Variants in ZNF558 observed in about 807,000 individuals in gnomAD.
ZNF558 encodes the protein zinc finger protein 558.
A neutral mutation model predicts 37.6 loss-of-function variants in ZNF558; 23 were observed. The ratio of observed to expected loss-of-function variants is 0.61; its 90% confidence interval spans 0.44 to 0.87. ZNF558 has a LOEUF of 0.87. Ranked by LOEUF, ZNF558 falls within the 40% of genes least tolerant of loss-of-function variation. The pLI is 0.00. For synonymous variants in ZNF558, 189 were observed against 174.4 expected (o/e 1.08, Z -0.66); for missense variants, 429 against 483.7 (o/e 0.89, Z 1.06).
chr19:8,831,413 A>G lies in ZNF558; in HGVS notation c.-592-12T>C, dbSNP rs1475563442. ...GATGCTTTTCTCATCTGAAAAAAAAAAAAAGACACAAAGATTTCTTTCGAG... is the reference window on the plus strand; with the variant it reads ...GATGCTTTTCTCATCTGAAAAAAAAGAAAAGACACAAAGATTTCTTTCGAG... On this transcript the variant is annotated splice_polypyrimidine_tract_variant and intron_variant, in intron 1 of 9. Coordinates refer to ENST00000601372, the MANE Select transcript of ZNF558 (RefSeq NM_144693.3). 6.6e-6 allele frequency: 1 copy of G among 152,136 alleles called. No homozygotes were observed. Among genetic ancestry groups the G allele is most frequent in the African/African-American group, 2.4e-5 (1 of 41,450 alleles). 9.4% of individuals were successfully genotyped at this position (152,136 alleles called of 1,614,324 possible). A position where few individuals can be genotyped will look rare whatever the true frequency, so the allele number is the denominator to read the frequency against.
chr19:8,824,558 A>G (rs902725045), intron 3 of ZNF558, 141 bp from the exon 4 acceptor site: 2 of 152,252 alleles, frequency 1.3e-5, no homozygotes, highest in African/African-American at 4.8e-5. Context: ...CAGGGTAAAG[A>G]TCATGAGGAG....
chr19:8,836,207 A>T (rs1240727152), upstream of ZNF558, among the ~76,000 whole-genome samples: 1 of 152,252 alleles, frequency 6.6e-6, no homozygotes, highest in Non-Finnish European at 1.5e-5. Context: ...ATACACATAA[A>T]TTCTTCAGTT....
upstream of ZNF558, among the ~76,000 whole-genome samples, chr19:8,834,004 CAAA>C (rs1369326589): frequency 1.5e-5 from 2 of 137,914 alleles, no homozygotes; most frequent in African/African-American, 5.0e-5. Context: ...CAAAACAAAA[CAAA>C]AACCAAAAAC....
intron 7 of ZNF558, among the ~76,000 whole-genome samples, chr19:8,817,605 C>A (rs576483680): frequency 6.6e-6 from 1 of 151,492 alleles, no homozygotes; most frequent in African/African-American, 2.4e-5. Context: ...TTTATTGGGA[C>A]ATAGCCCCAT....
At chr19:8,832,566 A>C (rs11666419), upstream of ZNF558, 26,141 of 150,312 alleles carry the variant, frequency 0.17, 2,789 homozygotes, top group East Asian at 0.27. Flanking sequence ...GAGCCGCACG[A>C]GGCCTGGGGG....
intron 7 of ZNF558, among the ~76,000 whole-genome samples, chr19:8,814,983 C>T (rs1003882802): frequency 1.3e-5 from 2 of 152,118 alleles, no homozygotes; most frequent in Admixed American, 6.5e-5. Flanking sequence ...ATACCAACTA[C>T]AACAAGTAAA....
In ZNF558 at chr19:8,822,561, T is replaced by C. The variant is rs758597818; in HGVS notation, c.31+68A>G. On this transcript the variant is annotated intron_variant, in intron 5 of 9. Transcript: ENST00000601372. The surrounding 1 kb of genome is among the most constrained non-coding windows in gnomAD (Gnocchi z 4.4). ...CACCTGCTCTGCCCAACCCCGCTCG[T>C]GTCCCATGCTGTGGGTCAGAACCTT... The C allele has an allele frequency of 1.9e-5, 30 of 1,608,464 alleles. No homozygotes were observed. The highest frequency in any genetic ancestry group is 2.7e-5 in the African/African-American group (2 of 74,782).
chr19:8,836,144 AG>A (rs1342651511), upstream of ZNF558, among the ~76,000 whole-genome samples: 1 of 152,220 alleles, frequency 6.6e-6, no homozygotes, highest in African/African-American at 2.4e-5. Context: ...ACACTTTAAA[AG>A]GTTGAATATT....
rs930691444 is a variant in ZNF558 at position 8,809,756 on chromosome 19, T to G, written c.*1525A>C. 1 of 152,122 alleles carries G rather than the reference T, an allele frequency of 6.6e-6. No individual in the cohort carries two copies. The highest frequency in any genetic ancestry group is 2.4e-5 in the African/African-American group (1 of 41,410). 9.4% of individuals were successfully genotyped at this position (152,122 alleles called of 1,614,324 possible). ...ATTTTAGGGAACAGCTATACACAAA[T>G]GTTTATATTAAAAGAAAAAAAGACT... On this transcript the variant is annotated 3_prime_UTR_variant, in exon 10 of 10. Transcript: ENST00000601372.
At chr19:8,821,644 G>C (rs1599276604) in intron 6 of ZNF558, 3 of 1,318,656 alleles carry the variant, frequency 2.3e-6, no homozygotes, top group Admixed American at 3.4e-5. Flanking sequence ...ATCTCCAGGG[G>C]ATCATGGGCC....
intron 7 of ZNF558, among the ~76,000 whole-genome samples, chr19:8,816,634 A>G (rs1051377732): frequency 3.3e-5 from 5 of 152,198 alleles, no homozygotes; most frequent in African/African-American, 1.2e-4. Flanking sequence ...TCACTATTAC[A>G]TCTACCCTAC....
At chr19:8,820,147 A>G (rs2044046388) in intron 7 of ZNF558, among the ~76,000 whole-genome samples, 1 of 152,194 alleles carries the variant, frequency 6.6e-6, no homozygotes. Flanking sequence ...AGTGCTGGGA[A>G]GATGCAGAGA....
At chr19:8,821,682 C>G (rs2044095392) in intron 6 of ZNF558, 2 of 1,303,758 alleles carry the variant, frequency 1.5e-6, no homozygotes, top group African/African-American at 3.0e-5. Flanking sequence ...CAGAGAAATA[C>G]TTGGTAAGTG....
At chr19:8,837,413 C>T in the ZNF558 span, among the ~76,000 whole-genome samples, 1 of 152,144 alleles carries the variant, frequency 6.6e-6, no homozygotes, top group Non-Finnish European at 1.5e-5. Context: ...AAATTACAAT[C>T]GGGATATATT....
chr19:8,815,890 A>G (rs529752969), intron 7 of ZNF558, among the ~76,000 whole-genome samples: 1 of 152,272 alleles, frequency 6.6e-6, no homozygotes, highest in African/African-American at 2.4e-5. Flanking sequence ...CAACATATAT[A>G]GGATGTGGAG....
chr19:8,822,214 G>T lies in ZNF558; in HGVS notation c.32-123C>A. The T allele has an allele frequency of 8.4e-7, 1 of 1,185,882 alleles. No individual in the cohort carries two copies. The highest frequency in any genetic ancestry group is 1.2e-6 in the Non-Finnish European group (1 of 838,008). 73.5% of individuals were successfully genotyped at this position (1,185,882 alleles called of 1,614,324 possible). ...GAGGCACCACACAGTGCCCACCTAC[G>T]CTCCATGCAAACACCTACCCACAGC... On this transcript the variant is annotated intron_variant, in intron 5 of 9. Transcript: ENST00000601372. The surrounding 1 kb of genome is among the most constrained non-coding windows in gnomAD (Gnocchi z 4.4).
At position 8,811,328 on chromosome 19, in the gene ZNF558, T is replaced by C; in HGVS notation, c.1162A>G (p.Asn388Asp). Residue 388 changes from asparagine to aspartate, a missense_variant, in exon 10 of 10, where the codon AAC becomes GAC. Physicochemically the swap from Asn to Asp is conservative, Grantham distance 23. Coordinates refer to ENST00000601372, the MANE Select transcript of ZNF558 (RefSeq NM_144693.3). ...CTCTTGTGCACAGAAAGATAGGAGT[T>C]ACTTGTGAAGGATTTCCCACAATGA... ...CNHCGKSFTSNSYLSVHKRIH... is the reference protein window; with the variant it reads ...CNHCGKSFTSDSYLSVHKRIH... 6.2e-7 allele frequency: 1 copy of C among 1,609,284 alleles called. No homozygotes were observed. The highest frequency in any genetic ancestry group is 8.5e-7 in the Non-Finnish European group (1 of 1,177,772).
At chr19:8,817,564 T>C (rs1391552706) in intron 7 of ZNF558, among the ~76,000 whole-genome samples, 1 of 152,140 alleles carries the variant, frequency 6.6e-6, no homozygotes, top group Non-Finnish European at 1.5e-5. Context: ...TTTTGCATTT[T>C]TGACTTATGG....
chr19:8,836,531 A>G (rs1370418842), upstream of ZNF558, among the ~76,000 whole-genome samples: 1 of 146,856 alleles, frequency 6.8e-6, no homozygotes, highest in African/African-American at 2.5e-5. Flanking sequence ...TTGCTTTGTC[A>G]CCCAGGCTGG....
Sources: gnomAD v4.1 joint callset for allele counts (sites outside exome capture counted in the v4.1 genomes callset) on GRCh38, gnomAD v4.1.1 for gene constraint, Gnocchi (gnomAD v3.1) non-coding constraint, MANE v1.5 for transcripts, NCBI Gene and HGNC (gene_info 2026-07-23, HGNC 2026-07-21) for gene names.